Variants in PALM2AKAP2 observed in about 807,000 individuals in gnomAD.
PALM2AKAP2 encodes the protein PALM2 and AKAP2 fusion, also known as PALM2-AKAP2 fusion protein.
A neutral mutation model predicts 71.5 loss-of-function variants in PALM2AKAP2; 37 were observed. The observed-to-expected ratio is 0.52, with a 90% CI of 0.40 to 0.68. The LOEUF is 0.68. Among genes scored for constraint, PALM2AKAP2 ranks in the 30% least tolerant of loss-of-function variants. The pLI is 0.00. For synonymous variants in PALM2AKAP2, 468 were observed against 478.8 expected (o/e 0.98, Z 0.29); for missense variants, 1,224 against 1,191.8 (o/e 1.03, Z -0.40).
At chr9:110,137,040 G>T (rs368590919) in exon 2 of PALM2AKAP2, 1 of 1,614,048 alleles carries the variant, frequency 6.2e-7, no homozygotes, top group Admixed American at 1.7e-5. Context: ...TACAAGGAGC[G>T]CAAAGAGAGA....
intron 3 of PALM2AKAP2, among the ~76,000 whole-genome samples, chr9:109,905,660 C>T (rs1830430689): frequency 6.6e-6 from 1 of 152,200 alleles, no homozygotes; most frequent in Non-Finnish European, 1.5e-5. Flanking sequence ...ACCCCAAGCC[C>T]CGTTTTGCTG....
chr9:109,950,638 C>G (rs1009807965), intron 6 of PALM2AKAP2, among the ~76,000 whole-genome samples: 2 of 152,126 alleles, frequency 1.3e-5, no homozygotes, highest in Admixed American at 1.3e-4. Context: ...AGATCAAGAC[C>G]CTTTTTCTAA....
chr9:109,954,373 C>A (rs914817096), intron 6 of PALM2AKAP2, among the ~76,000 whole-genome samples: 1 of 152,118 alleles, frequency 6.6e-6, no homozygotes, highest in Non-Finnish European at 1.5e-5. Context: ...CCCCAGCAGC[C>A]CCCAAGCCCT....
intron 3 of PALM2AKAP2, among the ~76,000 whole-genome samples, chr9:109,886,348 C>T (rs1829966750): frequency 6.6e-6 from 1 of 152,164 alleles, no homozygotes; most frequent in South Asian, 2.1e-4. Context: ...ATGTCTGCCC[C>T]AAGCATCAAG....
At chr9:109,939,460 T>C (rs1244009849) in intron 6 of PALM2AKAP2, among the ~76,000 whole-genome samples, 1 of 152,252 alleles carries the variant, frequency 6.6e-6, no homozygotes, top group Non-Finnish European at 1.5e-5. Flanking sequence ...TAGAAATATT[T>C]TGTTCCATAT....
intron 3 of PALM2AKAP2, among the ~76,000 whole-genome samples, chr9:109,903,593 G>C (rs1830377275): frequency 6.6e-6 from 1 of 152,164 alleles, no homozygotes; most frequent in African/African-American, 2.4e-5. Flanking sequence ...GGAGTTCAGT[G>C]TTGTGGACAT....
intron 2 of PALM2AKAP2, among the ~76,000 whole-genome samples, chr9:110,151,739 G>C (rs570192172): frequency 2.0e-4 from 30 of 152,144 alleles, no homozygotes; most frequent in African/African-American, 7.2e-4. Context: ...AAACTTAAAC[G>C]TTTCCTATCC....
At chr9:109,944,952 C>G (rs1831468024) in intron 6 of PALM2AKAP2, 1 of 151,890 alleles carries the variant, frequency 6.6e-6, no homozygotes, top group Non-Finnish European at 1.5e-5. Flanking sequence ...AAATTATGTC[C>G]CACAGTATAT....
rs1258128612 is a variant in PALM2AKAP2 at position 110,136,881 on chromosome 9, T to C, written c.911T>C (p.Met304Thr). ...AGAAAAGTGAGGCCTTCAGAGGAGA[T>C]GCTGGAGCTGGAAAAGGAGAGGAGA... Residue 304 changes from methionine to threonine, a missense_variant, in exon 2 of 4, where the codon ATG becomes ACG. Transcript: ENST00000374525. The C allele has an allele frequency of 3.7e-6, 6 of 1,614,104 alleles. No individual in the cohort carries two copies. The highest frequency in any genetic ancestry group is 2.2e-5 in the East Asian group (1 of 44,884).
upstream of PALM2AKAP2, among the ~76,000 whole-genome samples, chr9:109,778,342 C>T (rs1829377984): frequency 6.6e-6 from 1 of 152,230 alleles, no homozygotes; most frequent in African/African-American, 2.4e-5. Flanking sequence ...TCTCTGGTCT[C>T]ATTTTCCTCA....
At chr9:109,753,089 G>A (rs137928031) in intron 1 of PALM2AKAP2, among the ~76,000 whole-genome samples, 2 of 152,220 alleles carry the variant, frequency 1.3e-5, no homozygotes, top group East Asian at 1.9e-4. Context: ...GATGCCACTT[G>A]GAGTTTCCAA....
At chr9:110,002,226 G>A (rs565825158) in intron 6 of PALM2AKAP2, among the ~76,000 whole-genome samples, 1 of 152,178 alleles carries the variant, frequency 6.6e-6, no homozygotes, top group East Asian at 1.9e-4. Context: ...TAGCATGAAG[G>A]TTGTTGAATT....
intron 3 of PALM2AKAP2, among the ~76,000 whole-genome samples, chr9:110,167,558 A>AGGGAGG (rs2119289865): frequency 6.6e-6 from 1 of 152,322 alleles, no homozygotes; most frequent in East Asian, 1.9e-4. Flanking sequence ...AATGGGAGGA[A>AGGGAGG]GGGAGGCTCT....
chr9:110,114,600 C>A (rs765495371), intron 1 of PALM2AKAP2, among the ~76,000 whole-genome samples: 1 of 152,290 alleles, frequency 6.6e-6, no homozygotes, highest in South Asian at 2.1e-4. Context: ...CAAACCCTGA[C>A]CTGCTTTTCT....
At chr9:110,031,068 A>T (rs929677061) in intron 7 of PALM2AKAP2, among the ~76,000 whole-genome samples, 1 of 152,154 alleles carries the variant, frequency 6.6e-6, no homozygotes, top group Non-Finnish European at 1.5e-5. Context: ...AGGGTAGGGT[A>T]TTGGATTTGT....
intron 2 of PALM2AKAP2, among the ~76,000 whole-genome samples, chr9:110,154,052 G>A (rs1358560121): frequency 6.6e-6 from 1 of 152,192 alleles, no homozygotes; most frequent in Non-Finnish European, 1.5e-5. Flanking sequence ...GGTCCCAGAA[G>A]AGATGCAAAA....
intron 3 of PALM2AKAP2, among the ~76,000 whole-genome samples, chr9:109,908,808 G>GCACACACACACA (rs59715039): frequency 0.018 from 2,741 of 150,206 alleles, 32 homozygotes; most frequent in East Asian, 0.051. Flanking sequence ...GGATGCGTGT[G>GCACACACACACA]CACACACACA....
chr9:109,939,635 G>C (rs936165071), intron 6 of PALM2AKAP2, among the ~76,000 whole-genome samples: 4 of 152,158 alleles, frequency 2.6e-5, no homozygotes, highest in Admixed American at 2.6e-4. Context: ...ATCCCAAACT[G>C]CTTTTTAAAA....
At chr9:109,880,200 G>A (rs1829814207) in intron 2 of PALM2AKAP2, among the ~76,000 whole-genome samples, 1 of 152,138 alleles carries the variant, frequency 6.6e-6, no homozygotes, top group Non-Finnish European at 1.5e-5. Flanking sequence ...GACTCATACT[G>A]ACATATTGTT....
Sources: allele counts gnomAD v4.1 joint callset (sites outside exome capture counted in the v4.1 genomes callset), GRCh38; gene constraint gnomAD v4.1.1; transcripts MANE v1.5; gene names NCBI Gene and HGNC (gene_info 2026-07-23, HGNC 2026-07-21).